SEPTIN9: variants seen among roughly 807,000 people sequenced by gnomAD.
SEPTIN9 encodes septin 9.
SEPTIN9 carries 13 observed loss-of-function variants against 56.6 expected under a neutral mutation model. The ratio of observed to expected loss-of-function variants is 0.23; its 90% CI spans 0.15 to 0.37. The LOEUF (loss-of-function observed/expected upper bound fraction) is 0.37. Ranked by LOEUF, SEPTIN9 falls within the 10% of genes least tolerant of loss-of-function variation. SEPTIN9 has a pLI of 1.00. For missense variants in SEPTIN9, 650 were observed against 823.1 expected, an observed-to-expected ratio of 0.79 and a Z score of 2.57; for synonymous variants, 332 against 334.1, an observed-to-expected ratio of 0.99 and a Z score of 0.07.
In SEPTIN9 at chr17:77,402,192, C is replaced by G. The variant is rs1482028083; in HGVS notation, c.210C>G (p.Asn70Lys). The change falls in exon 3 of 12, where the codon AAC (asparagine) becomes AAG (lysine). Residue 70 changes from asparagine (N) to lysine (K), a missense_variant. By Grantham distance (94) the Asn-to-Lys change is moderately conservative. Transcript: ENST00000427177. The surrounding 1 kb of genome is among the most constrained non-coding windows in gnomAD (Gnocchi z 6.6). ...AATTCCAGGACCTGGGCGTGAAGAA[C>G]TCAGAACCCTCGGCCCGCCATGTGG... ...TQKFQDLGVK[N>K]SEPSARHVDS... 3 of 1,613,640 alleles carry G rather than the reference C, an allele frequency of 1.9e-6. No individual in the cohort carries two copies. In the African/African-American group the frequency reaches 4.0e-5, roughly 22 times the overall value.
At chr17:77,495,726 G>A (rs1246529544) in intron 10 of SEPTIN9, among the ~76,000 whole-genome samples, 1 of 152,220 alleles carries the variant, frequency 6.6e-6, no homozygotes, top group Non-Finnish European at 1.5e-5. Flanking sequence ...TCTGCAGGAG[G>A]TTCTAGTGTG....
rs564658816 is a variant in SEPTIN9, at chr17:77,421,975, A to G, written c.721+19272A>G. ...GCAGTCCTCCCATCTCAGCCTACCA[A>G]GTAGCTGGGACTACAGGTGTGTGCC... is the stretch of plus-strand genomic sequence containing the variant. On this transcript the variant is annotated intron_variant, in intron 3 of 11. Transcript: ENST00000427177. This position sits in a 1 kb window ranked among gnomAD's most constrained non-coding sequence, Gnocchi z 4.6. Among the ~76,000 whole-genome samples the G allele has an allele frequency of 3.0e-4, 45 of 152,234 alleles. No individual in the cohort carries two copies. In the South Asian group the frequency reaches 9.3e-3, roughly 32 times the overall value.
At chr17:77,396,742 G>T (rs1479172186) in intron 2 of SEPTIN9, among the ~76,000 whole-genome samples, 1 of 152,132 alleles carries the variant, frequency 6.6e-6, no homozygotes, top group Non-Finnish European at 1.5e-5. Flanking sequence ...TGTCCTCCGT[G>T]GGGAGGCAAT....
chr17:77,299,347 A>G (rs68045068), intron 1 of SEPTIN9, among the ~76,000 whole-genome samples: 13,956 of 152,280 alleles, frequency 0.092, 690 homozygotes, highest in Non-Finnish European at 0.11. Flanking sequence ...TCAGATAAAC[A>G]AGGATTAATT....
rs1568100547 is a variant in SEPTIN9 at position 77,475,112 on chromosome 17, G to A, written c.722-7032G>A. ...TCATTCATTCACCAGACTTTTTGCC[G>A]GGGCTTGCCGTGAGCCCTACGCTGC... On this transcript the variant is annotated intron_variant, in intron 3 of 11. Transcript: ENST00000427177. This position sits in a 1 kb window ranked among gnomAD's most constrained non-coding sequence, Gnocchi z 4.6. The A allele has an allele frequency of 2.4e-5, 13 of 548,916 alleles. No homozygotes were observed. Among genetic ancestry groups the A allele is most frequent in the East Asian group, 6.4e-5 (1 of 15,702 alleles). 34.0% of individuals were successfully genotyped at this position (548,916 alleles called of 1,614,324 possible).
chr17:77,407,829 G>A lies in SEPTIN9; in HGVS notation c.721+5126G>A, dbSNP rs116055237. The stretch of plus-strand genomic sequence containing the variant: ...GTCATCCCTGGTCCTCTCAGGCTCT[G>A]GGTGGGGACGGCCTTGCCTCCTCTC... On this transcript the variant is annotated intron_variant, in intron 3 of 11. Coordinates refer to ENST00000427177, the MANE Select transcript of SEPTIN9 (RefSeq NM_001113491.2). Among the ~76,000 whole-genome samples, 909 of 152,322 alleles carry A rather than the reference G, an allele frequency of 6.0e-3. 12 individuals carry two copies. The highest frequency in any genetic ancestry group is 0.021 in the African/African-American group (861 of 41,566).
In SEPTIN9 at chr17:77,321,269, G is replaced by C. The variant is rs566643320; in HGVS notation, c.76+14072G>C. Among the ~76,000 whole-genome samples the C allele has an allele frequency of 2.6e-5, 4 of 152,190 alleles. No individual in the cohort carries two copies. In the East Asian group the frequency reaches 7.7e-4, roughly 29 times the overall value. On this transcript the variant is annotated intron_variant, in intron 2 of 11. Coordinates refer to ENST00000427177, the MANE Select transcript of SEPTIN9 (RefSeq NM_001113491.2). Reference sequence around the variant, plus strand: ...GAGTGTCAACCCCTACGTGCCTTGGGCCCTGGTCTGTTGGTTGCCACTATG... The same window carrying C: ...GAGTGTCAACCCCTACGTGCCTTGGCCCCTGGTCTGTTGGTTGCCACTATG...
chr17:77,309,578 A>G (rs1006085864), intron 2 of SEPTIN9, among the ~76,000 whole-genome samples: 12 of 152,286 alleles, frequency 7.9e-5, no homozygotes, highest in African/African-American at 2.9e-4. Flanking sequence ...CTGTAGATCC[A>G]CATCTGGCCA....
chr17:77,337,884 G>C (rs559066251), intron 2 of SEPTIN9, among the ~76,000 whole-genome samples: 1 of 152,220 alleles, frequency 6.6e-6, no homozygotes, highest in South Asian at 2.1e-4. Context: ...CAAACTTTTT[G>C]GTTTCCCAGT....
At chr17:77,354,521 T>A (rs2034161663) in intron 2 of SEPTIN9, among the ~76,000 whole-genome samples, 1 of 152,118 alleles carries the variant, frequency 6.6e-6, no homozygotes, top group Non-Finnish European at 1.5e-5. Context: ...GAGCCTCCTT[T>A]CCAGCTGGGG....
chr17:77,411,146 A>G (rs867680419), intron 3 of SEPTIN9, among the ~76,000 whole-genome samples: 9 of 151,888 alleles, frequency 5.9e-5, no homozygotes, highest in Middle Eastern at 3.2e-3. Context: ...ATCACATGAA[A>G]TTTGGAAAGA....
intron 3 of SEPTIN9, among the ~76,000 whole-genome samples, chr17:77,460,741 T>G (rs994492001): frequency 1.3e-5 from 2 of 152,066 alleles, no homozygotes; most frequent in Non-Finnish European, 2.9e-5. Flanking sequence ...CAGGCCAGGG[T>G]CCTCACTGCT....
intron 1 of SEPTIN9, among the ~76,000 whole-genome samples, chr17:77,306,793 G>A (rs1290946024): frequency 6.6e-6 from 1 of 152,238 alleles, no homozygotes; most frequent in Admixed American, 6.5e-5. Flanking sequence ...TCTGATGGAC[G>A]TGGGCTCACC....
chr17:77,477,229 A>C (rs1349206638), intron 3 of SEPTIN9, among the ~76,000 whole-genome samples: 1 of 151,896 alleles, frequency 6.6e-6, no homozygotes, highest in African/African-American at 2.4e-5. Context: ...ATTTTTTCAC[A>C]ACCTTCTATA....
chr17:77,356,910 T>C (rs1450698434), intron 2 of SEPTIN9, among the ~76,000 whole-genome samples: 1 of 148,708 alleles, frequency 6.7e-6, no homozygotes, highest in Non-Finnish European at 1.5e-5. Context: ...GAAGGCGCCG[T>C]GGTAGGGGAA....
At chr17:77,381,980 A>G (rs2035160941) in intron 2 of SEPTIN9, among the ~76,000 whole-genome samples, 1 of 152,076 alleles carries the variant, frequency 6.6e-6, no homozygotes, top group Non-Finnish European at 1.5e-5. Context: ...CAGGCAGGTG[A>G]TGCTGGCCAG....
At chr17:77,428,998 C>T (rs2144266260) in intron 3 of SEPTIN9, 2 of 471,268 alleles carry the variant, frequency 4.2e-6, no homozygotes, top group Non-Finnish European at 8.8e-6. Flanking sequence ...GGTAAGCCGT[C>T]AGAGGAGGCA....
chr17:77,416,786 C>A (rs73375321), intron 3 of SEPTIN9, among the ~76,000 whole-genome samples: 1 of 152,146 alleles, frequency 6.6e-6, no homozygotes, highest in Non-Finnish European at 1.5e-5. Context: ...CCTGGATGGC[C>A]AGTCCCAGAG....
chr17:77,316,439 C>T (rs555322681), intron 2 of SEPTIN9, among the ~76,000 whole-genome samples: 3 of 152,238 alleles, frequency 2.0e-5, no homozygotes, highest in Non-Finnish European at 4.4e-5. Flanking sequence ...TCAGGCCAAA[C>T]CATGCTGGGT....
Sources: allele counts gnomAD v4.1 joint callset (sites outside exome capture counted in the v4.1 genomes callset), GRCh38; gene constraint gnomAD v4.1.1; non-coding constraint Gnocchi (gnomAD v3.1); transcripts MANE v1.5; gene names NCBI Gene and HGNC (gene_info 2026-07-23, HGNC 2026-07-21).